Variants in CEP85L observed in about 807,000 individuals in gnomAD.
The protein encoded by CEP85L is centrosomal protein 85L, also known as centrosomal protein of 85 kDa-like.
In CEP85L, 60 loss-of-function variants were observed where a neutral mutation model predicts 100.3. The ratio of observed to expected loss-of-function variants is 0.60; its 90% CI spans 0.49 to 0.74. CEP85L has a LOEUF of 0.74. Among genes scored for constraint, CEP85L ranks in the 30% least tolerant of loss-of-function variants. The pLI is 0.00. For synonymous variants in CEP85L, 319 were observed against 322.7 expected (o/e 0.99, Z 0.12); for missense variants, 973 against 936.2 (o/e 1.04, Z -0.51).
At position 118,550,725 on chromosome 6, in the gene CEP85L, G is replaced by C. The variant is rs146619427; in HGVS notation, c.1020+14804C>G. Among the ~76,000 whole-genome samples, 513 of 151,878 alleles carry C rather than the reference G, an allele frequency of 3.4e-3. 4 individuals carry two copies. Among genetic ancestry groups the C allele is most frequent in the African/African-American group, 0.012 (496 of 41,500 alleles). ...ATGGCTTAAAGTAAACCATGACACT[G>C]ACAAACAAAATTTGAAAGCCCCCAA... is the stretch of plus-strand genomic sequence containing the variant. On this transcript the variant is annotated intron_variant, in intron 3 of 12. Transcript: ENST00000368491.
chr6:118,697,143 T>C (rs1026833803), intron 1 of CEP85L, among the ~76,000 whole-genome samples: 2 of 152,186 alleles, frequency 1.3e-5, no homozygotes, highest in Non-Finnish European at 2.9e-5. Flanking sequence ...GATTCACTGA[T>C]TCACCTGCAA....
intron 1 of CEP85L, among the ~76,000 whole-genome samples, chr6:118,672,325 A>G (rs937328721): frequency 6.6e-6 from 1 of 152,240 alleles, no homozygotes; most frequent in South Asian, 2.1e-4. Context: ...GGCGTGAGCC[A>G]CTGCGCCAGG....
intron 2 of CEP85L, among the ~76,000 whole-genome samples, chr6:118,592,272 C>T (rs543097209): frequency 6.6e-6 from 1 of 150,912 alleles, no homozygotes; most frequent in Admixed American, 6.6e-5. Flanking sequence ...CTAAGAGAAA[C>T]TCGTCTCCAC....
intron 2 of CEP85L, among the ~76,000 whole-genome samples, chr6:118,610,697 A>G (rs1772548157): frequency 6.6e-6 from 1 of 152,176 alleles, no homozygotes. Context: ...ACCCAAAGAA[A>G]TCCACCGAAA....
intron 4 of CEP85L, among the ~76,000 whole-genome samples, chr6:118,514,075 C>T (rs948879944): frequency 3.9e-5 from 6 of 152,026 alleles, no homozygotes; most frequent in Non-Finnish European, 8.8e-5. Context: ...AGATAGACTG[C>T]TATACTTTAA....
chr6:118,512,266 G>GT (rs940335039), intron 4 of CEP85L, among the ~76,000 whole-genome samples: 6 of 152,112 alleles, frequency 3.9e-5, no homozygotes, highest in African/African-American at 1.4e-4. Flanking sequence ...GGCAGCTGTA[G>GT]TTAGTTCACA....
At chr6:118,650,578 C>T (rs1015371859) in intron 1 of CEP85L, among the ~76,000 whole-genome samples, 3 of 152,234 alleles carry the variant, frequency 2.0e-5, no homozygotes, top group African/African-American at 7.2e-5. Context: ...TCTTACGCCG[C>T]AGGGGCTGCG....
chr6:118,471,552 A>G (rs1237658539), intron 10 of CEP85L, among the ~76,000 whole-genome samples: 1 of 152,038 alleles, frequency 6.6e-6, no homozygotes, highest in Non-Finnish European at 1.5e-5. Flanking sequence ...GTAAAAAAAG[A>G]TAGCTATCAC....
intron 2 of CEP85L, among the ~76,000 whole-genome samples, chr6:118,607,943 C>T (rs886365221): frequency 6.6e-6 from 1 of 152,074 alleles, no homozygotes; most frequent in Non-Finnish European, 1.5e-5. Flanking sequence ...CTGATCCAGA[C>T]CCCAAGAGAG....
intron 1 of CEP85L, among the ~76,000 whole-genome samples, chr6:118,682,796 C>T (rs1776711925): frequency 6.6e-6 from 1 of 151,540 alleles, no homozygotes; most frequent in African/African-American, 2.4e-5. Flanking sequence ...CACACACACA[C>T]ACACACACAC....
At chr6:118,508,091 A>G (rs1023330284) in intron 5 of CEP85L, among the ~76,000 whole-genome samples, 7 of 152,224 alleles carry the variant, frequency 4.6e-5, no homozygotes, top group African/African-American at 1.4e-4. Context: ...CCATAAAGGC[A>G]GAAACCATTC....
chr6:118,533,820 C>CG (rs1777430659), intron 3 of CEP85L, among the ~76,000 whole-genome samples: 1 of 152,158 alleles, frequency 6.6e-6, no homozygotes, highest in South Asian at 2.1e-4. Flanking sequence ...GCAAGCTGGG[C>CG]GCAGTGGCTC....
chr6:118,512,941 CAG>C (rs1387100539), intron 4 of CEP85L, among the ~76,000 whole-genome samples: 2 of 152,046 alleles, frequency 1.3e-5, no homozygotes, highest in African/African-American at 4.8e-5. Flanking sequence ...CTAGAACTGA[CAG>C]AGATGTTAAA....
At chr6:118,521,248 C>T (rs2114774466) in intron 4 of CEP85L, among the ~76,000 whole-genome samples, 2 of 152,276 alleles carry the variant, frequency 1.3e-5, no homozygotes, top group Admixed American at 1.3e-4. Flanking sequence ...AAGGCCATTA[C>T]TCTCATCTGC....
At chr6:118,559,083 T>A in intron 3 of CEP85L, 1 of 1,608,632 alleles carries the variant, frequency 6.2e-7, no homozygotes, top group East Asian at 2.2e-5. Flanking sequence ...TTCTCTGAAG[T>A]TCTGCTACAA....
intron 3 of CEP85L, among the ~76,000 whole-genome samples, chr6:118,561,719 G>A (rs926649884): frequency 3.9e-5 from 6 of 152,000 alleles, no homozygotes; most frequent in African/African-American, 1.4e-4. Flanking sequence ...AAAACTCAGT[G>A]GGGCTGCTCT....
At chr6:118,559,907 T>C (rs1470976607) in intron 3 of CEP85L, 1 of 166,868 alleles carries the variant, frequency 6.0e-6, no homozygotes, top group Non-Finnish European at 1.5e-5. Flanking sequence ...TTTAAGGCAC[T>C]GTAGTGAATT....
intron 4 of CEP85L, among the ~76,000 whole-genome samples, chr6:118,522,874 C>CAA (rs11291728): frequency 7.4e-6 from 1 of 134,884 alleles, no homozygotes; most frequent in Admixed American, 7.7e-5. Context: ...CTGAGACTCC[C>CAA]AAAAAAAAAA....
intron 3 of CEP85L, among the ~76,000 whole-genome samples, chr6:118,524,405 C>A (rs757043847): frequency 2.0e-4 from 30 of 152,182 alleles, no homozygotes; most frequent in Non-Finnish European, 3.2e-4. Context: ...GATCACGCCA[C>A]TGCACTCTAG....
Sources: gnomAD v4.1 joint callset for allele counts (sites outside exome capture counted in the v4.1 genomes callset) on GRCh38, gnomAD v4.1.1 for gene constraint, MANE v1.5 for transcripts, NCBI Gene and HGNC (gene_info 2026-07-23, HGNC 2026-07-21) for gene names.